The following PELI2 variants were observed in gnomAD, a reference collection of about 807,000 sequenced individuals.
PELI2 encodes E3 ubiquitin-protein ligase pellino homolog 2.
In PELI2, 23 loss-of-function variants were observed where a neutral mutation model predicts 42.3. The ratio of observed to expected loss-of-function variants is 0.54; its 90% CI spans 0.39 to 0.77. PELI2 has a LOEUF of 0.77. PELI2 is among the 30% of genes least tolerant of loss of function. PELI2 has a pLI of 0.00. For missense variants in PELI2, 463 were observed against 553.2 expected, an observed-to-expected ratio of 0.84 and a Z score of 1.64; for synonymous variants, 245 against 212.2, an observed-to-expected ratio of 1.15 and a Z score of -1.34.
intron 2 of PELI2, among the ~76,000 whole-genome samples, chr14:56,268,389 T>A (rs1470900888): frequency 2.6e-5 from 4 of 152,208 alleles, no homozygotes; most frequent in Non-Finnish European, 5.9e-5. Context: ...TTCATATGCA[T>A]CCTTTAAAGC....
chr14:56,230,245 G>A (rs1402735673), intron 2 of PELI2, among the ~76,000 whole-genome samples: 1 of 152,140 alleles, frequency 6.6e-6, no homozygotes, highest in Non-Finnish European at 1.5e-5. Flanking sequence ...ATGAAATACA[G>A]AGAATGCCAC....
At chr14:56,242,087 T>A (rs897222731) in intron 2 of PELI2, among the ~76,000 whole-genome samples, 1 of 152,136 alleles carries the variant, frequency 6.6e-6, no homozygotes, top group African/African-American at 2.4e-5. Context: ...GGAATGGCTG[T>A]GTGCGAGGGG....
chr14:56,129,255 G>C lies in PELI2; in HGVS notation c.77+10518G>C, dbSNP rs141277448. ...AGTCTTGCTTGAAATCTCCAAATAG[G>C]CTTGTTTTCCCTTTTGTAATTCATT... On this transcript the variant is annotated intron_variant, in intron 1 of 5. Coordinates refer to ENST00000267460, the MANE Select transcript of PELI2 (RefSeq NM_021255.3). 2.4e-3 allele frequency among the ~76,000 whole-genome samples: 359 copies of C among 152,292 alleles called. 1 individual carries two copies. The highest frequency in any genetic ancestry group is 8.4e-3 in the African/African-American group (350 of 41,572).
intron 1 of PELI2, among the ~76,000 whole-genome samples, chr14:56,176,065 G>C (rs1885369250): frequency 6.6e-6 from 1 of 152,200 alleles, no homozygotes; most frequent in Non-Finnish European, 1.5e-5. Flanking sequence ...AATGTTATTG[G>C]CCAGGTTGAG....
intron 3 of PELI2, among the ~76,000 whole-genome samples, chr14:56,285,302 T>C (rs898395716): frequency 6.6e-6 from 1 of 152,142 alleles, no homozygotes; most frequent in Admixed American, 6.5e-5. Flanking sequence ...AACTGAAGAA[T>C]CAGGTTATTC....
intron 1 of PELI2, among the ~76,000 whole-genome samples, chr14:56,174,469 CTG>C (rs1201316425): frequency 1.3e-5 from 2 of 152,186 alleles, no homozygotes; most frequent in African/African-American, 4.8e-5. Context: ...GGGTTTAGCT[CTG>C]TGTCCCCACC....
intron 2 of PELI2, among the ~76,000 whole-genome samples, chr14:56,210,447 A>G (rs936145590): frequency 7.3e-5 from 11 of 151,678 alleles, no homozygotes; most frequent in Admixed American, 6.6e-4. Flanking sequence ...TTTTTCAACT[A>G]TGTACTTGTA....
At chr14:56,233,481 C>T (rs1465437410) in intron 2 of PELI2, among the ~76,000 whole-genome samples, 1 of 152,108 alleles carries the variant, frequency 6.6e-6, no homozygotes, top group Non-Finnish European at 1.5e-5. Context: ...CTTTGACAAA[C>T]CTGACAAAAA....
At chr14:56,178,209 T>G in intron 1 of PELI2, 126 bp from the exon 2 acceptor site, 1 of 859,996 alleles carries the variant, frequency 1.2e-6, no homozygotes, top group Non-Finnish European at 1.8e-6. Flanking sequence ...TTTCCTTTTG[T>G]GGAGTGTTTA....
intron 2 of PELI2, among the ~76,000 whole-genome samples, chr14:56,184,226 A>T (rs1179861279): frequency 6.6e-6 from 1 of 152,068 alleles, no homozygotes; most frequent in Non-Finnish European, 1.5e-5. Context: ...ACCAATGTGA[A>T]TTTTTCCATG....
intron 2 of PELI2, among the ~76,000 whole-genome samples, chr14:56,278,846 A>T (rs181206409): frequency 8.9e-4 from 135 of 152,330 alleles, no homozygotes; most frequent in African/African-American, 3.0e-3. Context: ...AAGATTAAAA[A>T]TGAAGATAAG....
intron 1 of PELI2, among the ~76,000 whole-genome samples, chr14:56,155,973 A>G (rs1205134486): frequency 6.6e-6 from 1 of 152,134 alleles, no homozygotes; most frequent in Non-Finnish European, 1.5e-5. Context: ...TTCCGTTTCA[A>G]TTTTATTGAT....
chr14:56,272,105 A>G (rs1250142176), intron 2 of PELI2, among the ~76,000 whole-genome samples: 4 of 152,156 alleles, frequency 2.6e-5, no homozygotes, highest in Non-Finnish European at 1.5e-5. Flanking sequence ...TCTACACACA[A>G]AGAAGACTAT....
intron 2 of PELI2, among the ~76,000 whole-genome samples, chr14:56,225,199 G>C (rs1002804986): frequency 1.3e-5 from 2 of 152,138 alleles, no homozygotes; most frequent in African/African-American, 4.8e-5. Context: ...CAGGAATTCC[G>C]AGCAGCAGCT....
chr14:56,265,563 T>C (rs1888871335), intron 2 of PELI2, among the ~76,000 whole-genome samples: 1 of 152,158 alleles, frequency 6.6e-6, no homozygotes, highest in Admixed American at 6.5e-5. Context: ...TTCTTAGATA[T>C]AAAACCAAAA....
At chr14:56,249,379 A>G (rs1281680312) in intron 2 of PELI2, among the ~76,000 whole-genome samples, 2 of 152,120 alleles carry the variant, frequency 1.3e-5, no homozygotes, top group Admixed American at 6.5e-5. Flanking sequence ...TCTTATTTAC[A>G]TGTTTGTTAA....
chr14:56,166,958 T>G (rs1311129015), intron 1 of PELI2, among the ~76,000 whole-genome samples: 1 of 152,106 alleles, frequency 6.6e-6, no homozygotes, highest in Non-Finnish European at 1.5e-5. Context: ...TGACTATTTT[T>G]TGTGTGTTTT....
chr14:56,142,308 G>T (rs577246418), intron 1 of PELI2, among the ~76,000 whole-genome samples: 1 of 152,310 alleles, frequency 6.6e-6, no homozygotes, highest in South Asian at 2.1e-4. Flanking sequence ...CTGAGAATAT[G>T]GTGGGCTTGC....
rs1334188706 is a variant in PELI2 at position 56,297,039 on chromosome 14, A to G, written c.1136A>G (p.Lys379Arg). 1 of 1,613,880 alleles carries G rather than the reference A, an allele frequency of 6.2e-7. No individual in the cohort carries two copies. Among genetic ancestry groups the G allele is most frequent in the East Asian group, 2.2e-5 (1 of 44,872 alleles). Residue 379 changes from lysine to arginine, a missense_variant, in exon 6 of 6, where the codon AAA (lysine) becomes AGA (arginine). Transcript: ENST00000267460. ...CGHVCSEKSAKYWSQIPLPHG... is the reference protein window; with the variant it reads ...CGHVCSEKSARYWSQIPLPHG... The stretch of plus-strand genomic sequence containing the variant: ...CACGTGTGCTCGGAGAAGTCTGCAA[A>G]ATACTGGTCTCAGATCCCGTTGCCT...
Sources: allele counts gnomAD v4.1 joint callset (sites outside exome capture counted in the v4.1 genomes callset), GRCh38; gene constraint gnomAD v4.1.1; transcripts MANE v1.5; gene names NCBI Gene and HGNC (gene_info 2026-07-23, HGNC 2026-07-21).